CD300E: variants seen among roughly 807,000 people sequenced by gnomAD.
CD300E encodes CD300e molecule.
CD300E carries 14 observed loss-of-function variants against 20.9 expected under a neutral mutation model. The observed-to-expected ratio is 0.67, with a 90% CI of 0.44 to 1.05. CD300E has a LOEUF of 1.05. Ranked by LOEUF, CD300E falls within the 50% of genes least tolerant of loss-of-function variation. The pLI is 0.00. For synonymous variants in CD300E, 102 were observed against 103.7 expected (o/e 0.98, Z 0.10); for missense variants, 237 against 253.9 (o/e 0.93, Z 0.45).
At chr17:74,619,253 G>A (rs991839459) in intron 1 of CD300E, 6 of 422,616 alleles carry the variant, frequency 1.4e-5, no homozygotes, top group Non-Finnish European at 1.9e-5. Flanking sequence ...TGGTGATGGA[G>A]CCGGGGCCTG....
intron 1 of CD300E, 149 bp from the exon 2 acceptor site, chr17:74,617,614 C>G: frequency 1.5e-6 from 1 of 673,690 alleles, no homozygotes; most frequent in Non-Finnish European, 2.5e-6. Flanking sequence ...AGGACCTAAG[C>G]CAAAGAGTCC....
At chr17:74,613,588 G>A (rs1185846642) in intron 3 of CD300E, among the ~76,000 whole-genome samples, 1 of 152,180 alleles carries the variant, frequency 6.6e-6, no homozygotes, top group Non-Finnish European at 1.5e-5. Context: ...GCTGAGCAAA[G>A]ACCTTTGAAA....
At chr17:74,622,699 C>A (rs575008384) in intron 1 of CD300E, among the ~76,000 whole-genome samples, 2 of 151,694 alleles carry the variant, frequency 1.3e-5, no homozygotes, top group African/African-American at 4.8e-5. Flanking sequence ...TTACACCACA[C>A]CTTGTTCCGG....
chr17:74,613,994 G>A lies in CD300E; in HGVS notation c.428C>T (p.Pro143Leu), dbSNP rs1238508779. The A allele has an allele frequency of 1.2e-6, 2 of 1,614,076 alleles. No homozygotes were observed. Among genetic ancestry groups the A allele is most frequent in the Non-Finnish European group, 1.7e-6 (2 of 1,179,964 alleles). Residue 143 changes from proline to leucine, a missense_variant, in exon 3 of 4, where the codon CCT (proline) becomes CTT (leucine). Pro to Leu is a moderately conservative substitution (Grantham distance 98). Coordinates refer to ENST00000392619, the MANE Select transcript of CD300E (RefSeq NM_181449.3). ...AGGGTTCACCACCAGGAAGATGGGA[G>A]GTGTGGCTGGATGTGTGGTCCTCCT... ...TPRRTTHPAT[P>L]PIFLVVNPGR...
At chr17:74,618,371 G>A (rs1258217607) in intron 1 of CD300E, among the ~76,000 whole-genome samples, 4 of 152,100 alleles carry the variant, frequency 2.6e-5, no homozygotes, top group Admixed American at 1.3e-4. Context: ...GAGAGGGAGA[G>A]AAAGAGAAAC....
rs758703548 is a variant in CD300E at position 74,611,721 on chromosome 17, A to G, written c.*932T>C. The G allele has an allele frequency of 2.0e-5, 3 of 152,230 alleles. No individual in the cohort carries two copies. Among genetic ancestry groups the G allele is most frequent in the Non-Finnish European group, 4.4e-5 (3 of 68,104 alleles). 9.4% of individuals were successfully genotyped at this position (152,230 alleles called of 1,614,324 possible). A position where few individuals can be genotyped will look rare whatever the true frequency, so the allele number is the denominator to read the frequency against. On this transcript the variant is annotated 3_prime_UTR_variant, in exon 4 of 4. Coordinates refer to ENST00000392619, the MANE Select transcript of CD300E (RefSeq NM_181449.3). ...ACTCTGTTGACCTTGTGCATTGGAC[A>G]CCTCCAGGTGGGGGAATTCCAGGAG... is the stretch of plus-strand genomic sequence containing the variant.
chr17:74,612,629 G>A lies in CD300E; in HGVS notation c.*24C>T, dbSNP rs748265231. 1.2e-6 allele frequency: 2 copies of A among 1,611,528 alleles called. No individual in the cohort carries two copies. The highest frequency in any genetic ancestry group is 1.7e-6 in the Non-Finnish European group (2 of 1,179,418). The stretch of plus-strand genomic sequence containing the variant: ...GGGGCACTCCTGGGGATGGGGCTCT[G>A]CAGGGCTTCGGGTCAGCCTGGCTCT... On this transcript the variant is annotated 3_prime_UTR_variant, in exon 4 of 4. Transcript: ENST00000392619.
chr17:74,614,578 G>A (rs1260917850), intron 2 of CD300E, among the ~76,000 whole-genome samples: 4 of 151,472 alleles, frequency 2.6e-5, no homozygotes, highest in Non-Finnish European at 4.4e-5. Context: ...CACCTCCCGG[G>A]TTCAAGCGAT....
chr17:74,614,808 C>A (rs2030864778), intron 2 of CD300E, among the ~76,000 whole-genome samples: 1 of 152,132 alleles, frequency 6.6e-6, no homozygotes, highest in Non-Finnish European at 1.5e-5. Flanking sequence ...TGTAGGCCAC[C>A]CCTAGGGAGG....
chr17:74,621,568 G>T (rs2031022930), intron 1 of CD300E, among the ~76,000 whole-genome samples: 1 of 152,240 alleles, frequency 6.6e-6, no homozygotes, highest in South Asian at 2.1e-4. Context: ...ATGCGTCGGT[G>T]CATTTGTTGA....
chr17:74,623,086 G>A (rs1699607), intron 1 of CD300E, among the ~76,000 whole-genome samples: 75,116 of 152,012 alleles, frequency 0.49, 18,757 homozygotes, highest in African/African-American at 0.53. Context: ...ACTAAGCTTC[G>A]TCAAAACAGA....
chr17:74,618,813 C>T (rs1221604629), intron 1 of CD300E, among the ~76,000 whole-genome samples: 1 of 152,074 alleles, frequency 6.6e-6, no homozygotes, highest in African/African-American at 2.4e-5. Flanking sequence ...CTGTCACCCC[C>T]ACCCTGACCC....
At chr17:74,622,841 G>T (rs1056918062) in intron 1 of CD300E, among the ~76,000 whole-genome samples, 2 of 151,914 alleles carry the variant, frequency 1.3e-5, no homozygotes, top group African/African-American at 2.4e-5. Context: ...AAGTTCAAGC[G>T]ATCCTCCTGC....
rs2030739976 is a variant in CD300E, at chr17:74,609,952, A to G, written c.*2701T>C. On this transcript the variant is annotated 3_prime_UTR_variant, in exon 4 of 4. Coordinates refer to ENST00000392619, the MANE Select transcript of CD300E (RefSeq NM_181449.3). ...GAAAAAAGAAAGGAAGAATAGGGGA[A>G]AAAAAGGGAGTAAGGGAGAAGGGAA... 6.7e-6 allele frequency: 1 copy of G among 149,064 alleles called. No individual in the cohort carries two copies. The highest frequency in any genetic ancestry group is 6.6e-5 in the Admixed American group (1 of 15,090). 9.2% of individuals were successfully genotyped at this position (149,064 alleles called of 1,614,324 possible). A position where few individuals can be genotyped will look rare whatever the true frequency, so the allele number is the denominator to read the frequency against.
chr17:74,619,555 A>G (rs951856046), intron 1 of CD300E, among the ~76,000 whole-genome samples: 11 of 152,088 alleles, frequency 7.2e-5, no homozygotes, highest in Admixed American at 1.3e-4. Context: ...CCTGATTACA[A>G]CCTGGGCTCC....
At chr17:74,622,422 A>G (rs1264142336) in intron 1 of CD300E, among the ~76,000 whole-genome samples, 1 of 152,008 alleles carries the variant, frequency 6.6e-6, no homozygotes, top group Non-Finnish European at 1.5e-5. Flanking sequence ...CATGTCACCT[A>G]CCTGGTCTTC....
rs1174176159 is a variant in CD300E, at chr17:74,610,625, C to T, written c.*2028G>A. The T allele has an allele frequency of 6.6e-6, 1 of 152,220 alleles. No individual in the cohort carries two copies. The highest frequency in any genetic ancestry group is 2.4e-5 in the African/African-American group (1 of 41,436). The allele number at this position is 152,220 out of a possible 1,614,324, so 9.4% of individuals were successfully genotyped here. ...AGTCCTCCTAAAGCACATCTGCAAT[C>T]CCATCTTGTTCTGCTCAAATCCATC... On this transcript the variant is annotated 3_prime_UTR_variant, in exon 4 of 4. Transcript: ENST00000392619.
At chr17:74,615,730 G>T (rs1479954209) in intron 2 of CD300E, among the ~76,000 whole-genome samples, 1 of 152,166 alleles carries the variant, frequency 6.6e-6, no homozygotes, top group Non-Finnish European at 1.5e-5. Flanking sequence ...TTGATCCAGG[G>T]ATGAGGGTTT....
At chr17:74,618,379 A>C (rs747710012) in intron 1 of CD300E, among the ~76,000 whole-genome samples, 1 of 152,058 alleles carries the variant, frequency 6.6e-6, no homozygotes, top group Non-Finnish European at 1.5e-5. Flanking sequence ...GAGAAAGAGA[A>C]ACAGTGATGA....
Sources: gnomAD v4.1 joint callset for allele counts (sites outside exome capture counted in the v4.1 genomes callset) on GRCh38, gnomAD v4.1.1 for gene constraint, MANE v1.5 for transcripts, NCBI Gene and HGNC (gene_info 2026-07-23, HGNC 2026-07-21) for gene names.